Variants in CAMTA1 observed in about 807,000 individuals in gnomAD.
CAMTA1 encodes the protein calmodulin binding transcription activator 1, also known as calmodulin-binding transcription activator 1.
A neutral mutation model predicts 170.9 loss-of-function variants in CAMTA1; 27 were observed. That is an observed-to-expected ratio of 0.16 (90% CI 0.12 to 0.22). The LOEUF (loss-of-function observed/expected upper bound fraction) is 0.22. CAMTA1 is among the 10% of genes least tolerant of loss of function. CAMTA1 has a pLI of 1.00. For missense variants in CAMTA1, 1,619 were observed against 2,217.2 expected, an observed-to-expected ratio of 0.73 and a Z score of 5.42; for synonymous variants, 833 against 891.5, an observed-to-expected ratio of 0.93 and a Z score of 1.17.
intron 5 of CAMTA1, among the ~76,000 whole-genome samples, chr1:7,294,315 T>C (rs983336861): frequency 1.3e-5 from 2 of 152,186 alleles, no homozygotes; most frequent in Middle Eastern, 3.2e-3. Context: ...AGCTTCTCCC[T>C]GGAGCTGGCT....
intron 3 of CAMTA1, among the ~76,000 whole-genome samples, chr1:6,840,211 A>G (rs955438632): frequency 2.0e-5 from 3 of 152,040 alleles, no homozygotes; most frequent in Admixed American, 6.6e-5. Context: ...AAAAAAAAAG[A>G]GTTGAGATTT....
chr1:7,394,634 T>C (rs1344333255), intron 5 of CAMTA1, among the ~76,000 whole-genome samples: 3 of 152,122 alleles, frequency 2.0e-5, no homozygotes, highest in Non-Finnish European at 4.4e-5. Context: ...TCTCCTATTC[T>C]GCAGCTTGTC....
rs1479038887 is a variant in CAMTA1 at position 7,286,863 on chromosome 1, G to T, written c.438+37237G>T. On this transcript the variant is annotated intron_variant, in intron 5 of 22. Transcript: ENST00000303635. This position sits in a 1 kb window ranked among gnomAD's most constrained non-coding sequence, Gnocchi z 4.2. ...CTCAGTTTCCTCCTCTGAAAATGAGGACAGAGGTGCTCTGAGGACTCCAGA... is the reference window on the plus strand; with the variant it reads ...CTCAGTTTCCTCCTCTGAAAATGAGTACAGAGGTGCTCTGAGGACTCCAGA... Among the ~76,000 whole-genome samples, 1 of 152,192 alleles carries T rather than the reference G, an allele frequency of 6.6e-6. No individual in the cohort carries two copies. Among genetic ancestry groups the T allele is most frequent in the Admixed American group, 6.5e-5 (1 of 15,278 alleles).
At chr1:6,988,145 T>G (rs1232046305) in intron 3 of CAMTA1, among the ~76,000 whole-genome samples, 2 of 152,156 alleles carry the variant, frequency 1.3e-5, no homozygotes, top group Non-Finnish European at 2.9e-5. Flanking sequence ...CCATTGGCTG[T>G]GCAGTGATGG....
rs1016657448 is a variant in CAMTA1 at position 6,971,027 on chromosome 1, T to G, written c.235-120277T>G. On this transcript the variant is annotated intron_variant, in intron 3 of 22. Transcript: ENST00000303635. This position sits in a 1 kb window ranked among gnomAD's most constrained non-coding sequence, Gnocchi z 4.6. ...ACCCTCTGGTTCGGGCCTTCCTTCC[T>G]TCTCAGGGCTTTGGAAGCCCCTCTT... Among the ~76,000 whole-genome samples the G allele has an allele frequency of 3.3e-5, 5 of 152,192 alleles. No homozygotes were observed. Among genetic ancestry groups the G allele is most frequent in the Non-Finnish European group, 5.9e-5 (4 of 68,026 alleles).
At chr1:7,473,418 G>A (rs571415294) in intron 6 of CAMTA1, among the ~76,000 whole-genome samples, 43 of 152,268 alleles carry the variant, frequency 2.8e-4, no homozygotes, top group African/African-American at 9.1e-4. Context: ...CTCCCCCAAG[G>A]AGGAGGAGGA....
At chr1:7,655,248 AC>A (rs2095885168) in intron 7 of CAMTA1, among the ~76,000 whole-genome samples, 1 of 146,472 alleles carries the variant, frequency 6.8e-6, no homozygotes, top group Admixed American at 6.8e-5. Context: ...ATACACACAC[AC>A]CTATACACAC....
chr1:7,309,876 A>T (rs939521775), intron 5 of CAMTA1, among the ~76,000 whole-genome samples: 1 of 148,088 alleles, frequency 6.8e-6, no homozygotes, highest in East Asian at 2.0e-4. Flanking sequence ...TTTATATATC[A>T]TATATATATA....
intron 4 of CAMTA1, among the ~76,000 whole-genome samples, chr1:7,184,873 A>G (rs1202718951): frequency 1.3e-5 from 2 of 152,230 alleles, no homozygotes; most frequent in East Asian, 3.8e-4. Context: ...CAGCTCCCCA[A>G]GTAACTTTTG....
At chr1:6,820,874 G>T (rs1646411563) in intron 2 of CAMTA1, among the ~76,000 whole-genome samples, 1 of 152,194 alleles carries the variant, frequency 6.6e-6, no homozygotes, top group East Asian at 1.9e-4. Context: ...AGGAGAGAAT[G>T]TCCCAAAACC....
At chr1:6,997,404 C>T (rs1697437210) in intron 3 of CAMTA1, among the ~76,000 whole-genome samples, 1 of 152,128 alleles carries the variant, frequency 6.6e-6, no homozygotes. Context: ...AGGTGCATAT[C>T]TTTTCAGGAT....
At chr1:7,509,675 C>T (rs1373548171) in intron 6 of CAMTA1, among the ~76,000 whole-genome samples, 1 of 152,138 alleles carries the variant, frequency 6.6e-6, no homozygotes, top group African/African-American at 2.4e-5. Flanking sequence ...GCCGTAAAAA[C>T]GTACTGAGGC....
intron 11 of CAMTA1, among the ~76,000 whole-genome samples, chr1:7,705,444 C>T (rs2096506912): frequency 1.3e-5 from 2 of 149,952 alleles, no homozygotes; most frequent in South Asian, 2.1e-4. Flanking sequence ...GCCGGATGAG[C>T]TTCTGGAGTG....
At chr1:7,203,769 A>G (rs1217389802) in intron 4 of CAMTA1, among the ~76,000 whole-genome samples, 1 of 142,284 alleles carries the variant, frequency 7.0e-6, no homozygotes, top group African/African-American at 2.6e-5. Context: ...CAGTCTAAAG[A>G]TTTGCCGATT....
intron 4 of CAMTA1, among the ~76,000 whole-genome samples, chr1:7,156,297 A>C (rs1646882865): frequency 1.3e-5 from 2 of 151,932 alleles, no homozygotes; most frequent in African/African-American, 4.8e-5. Flanking sequence ...AAAAAGATAA[A>C]TAGGAGAGGG....
Position 7,460,189 on chromosome 1 carries a change from G to T in CAMTA1, c.439-7641G>T, listed in dbSNP as rs562019433. Among the ~76,000 whole-genome samples the T allele has an allele frequency of 5.9e-5, 9 of 152,366 alleles. No individual in the cohort carries two copies. The East Asian group carries it at 1.5e-3, about 26-fold the overall frequency. Reference sequence around the variant, plus strand: ...TGAGAGAGCTGGGGAGGGGCCCGCCGTCCTCTCCCGTGGCGGCCCCTCTGC... The same window carrying T: ...TGAGAGAGCTGGGGAGGGGCCCGCCTTCCTCTCCCGTGGCGGCCCCTCTGC... On this transcript the variant is annotated intron_variant, in intron 5 of 22. Transcript: ENST00000303635.
intron 1 of CAMTA1, among the ~76,000 whole-genome samples, chr1:6,819,909 T>G (rs1449031891): frequency 6.6e-6 from 1 of 152,224 alleles, no homozygotes; most frequent in Non-Finnish European, 1.5e-5. Flanking sequence ...ATGGCCTTTG[T>G]AGAAAAATAT....
chr1:7,006,202 A>T (rs1698990288), intron 3 of CAMTA1, among the ~76,000 whole-genome samples: 1 of 152,196 alleles, frequency 6.6e-6, no homozygotes, highest in East Asian at 1.9e-4. Flanking sequence ...GGGCAATGGG[A>T]TATCTTCAGA....
intron 4 of CAMTA1, among the ~76,000 whole-genome samples, chr1:7,221,814 AG>A (rs145836022): frequency 6.6e-6 from 1 of 152,204 alleles, no homozygotes; most frequent in East Asian, 1.9e-4. Flanking sequence ...GGAATGGCAA[AG>A]TTTTATCCCA....
Sources: allele counts gnomAD v4.1 joint callset (sites outside exome capture counted in the v4.1 genomes callset), GRCh38; gene constraint gnomAD v4.1.1; non-coding constraint Gnocchi (gnomAD v3.1); transcripts MANE v1.5; gene names NCBI Gene and HGNC (gene_info 2026-07-23, HGNC 2026-07-21).